Variants in MDFIC2 observed in about 807,000 individuals in gnomAD.
MDFIC2 encodes MyoD family inhibitor domain containing 2, also known as myoD family inhibitor domain-containing protein 2.
At chr3:70,258,024 G>A (rs537367727) in intron 2 of MDFIC2, among the ~76,000 whole-genome samples, 3 of 152,208 alleles carry the variant, frequency 2.0e-5, no homozygotes, top group African/African-American at 7.2e-5. Flanking sequence ...TAATTAAATG[G>A]GGGAAATGGA....
rs1185609018 is a variant in MDFIC2 at position 70,225,028 on chromosome 3, TA to T, written c.89-18239del. Among the ~76,000 whole-genome samples the T allele has an allele frequency of 7.2e-5, 11 of 152,308 alleles. No individual in the cohort carries two copies. The East Asian group carries it at 1.7e-3, about 24-fold the overall frequency. ...TACGTGTACTCAAGACAATGGAGGT[TA>T]AAACTGTTTGGAAAATATATTTCTC... is the stretch of plus-strand genomic sequence containing the variant. On this transcript the variant is annotated intron_variant, in intron 2 of 3. Transcript: ENST00000567252.
chr3:70,286,086 T>G (rs1288724599), intron 2 of MDFIC2, among the ~76,000 whole-genome samples: 3 of 152,168 alleles, frequency 2.0e-5, no homozygotes, highest in Admixed American at 6.5e-5. Flanking sequence ...GTCAATTTTG[T>G]GTTTTGCTGC....
chr3:70,290,927 G>T (rs548038289), intron 2 of MDFIC2, among the ~76,000 whole-genome samples: 1 of 152,236 alleles, frequency 6.6e-6, no homozygotes, highest in Non-Finnish European at 1.5e-5. Flanking sequence ...ATGGCGCACG[G>T]TGCGCGCACC....
At chr3:70,252,207 TG>T (rs1701775898) in intron 2 of MDFIC2, among the ~76,000 whole-genome samples, 1 of 152,172 alleles carries the variant, frequency 6.6e-6, no homozygotes, top group Admixed American at 6.5e-5. Context: ...TTGAACAAAA[TG>T]GGGGAATTCT....
intron 2 of MDFIC2, among the ~76,000 whole-genome samples, chr3:70,223,498 T>G (rs751254141): frequency 6.6e-6 from 1 of 152,170 alleles, no homozygotes; most frequent in East Asian, 1.9e-4. Context: ...AAAGTTACTC[T>G]TGTAGATTTC....
chr3:70,205,514 T>A (rs58135458), intron 3 of MDFIC2: 31,453 of 152,024 alleles, frequency 0.21, 3,388 homozygotes, highest in Non-Finnish European at 0.24. Flanking sequence ...TTGAGTACCT[T>A]CTGTGTACCA....
chr3:70,239,216 C>T (rs1229590080), intron 2 of MDFIC2, among the ~76,000 whole-genome samples: 1 of 152,168 alleles, frequency 6.6e-6, no homozygotes, highest in Non-Finnish European at 1.5e-5. Context: ...TCAACTATGT[C>T]ATGAAATTTA....
At chr3:70,213,334 C>T (rs1701368978) in intron 2 of MDFIC2, among the ~76,000 whole-genome samples, 1 of 151,960 alleles carries the variant, frequency 6.6e-6, no homozygotes, top group Non-Finnish European at 1.5e-5. Context: ...GCAGTAAACT[C>T]CAGAAGAGTA....
intron 2 of MDFIC2, among the ~76,000 whole-genome samples, chr3:70,297,534 T>C (rs564160516): frequency 6.6e-6 from 1 of 152,250 alleles, no homozygotes; most frequent in South Asian, 2.1e-4. Flanking sequence ...GAAGGCTTAT[T>C]ATTGCATATG....
At chr3:70,293,080 T>G (rs1702254968) in intron 2 of MDFIC2, among the ~76,000 whole-genome samples, 1 of 144,744 alleles carries the variant, frequency 6.9e-6, no homozygotes, top group Admixed American at 7.0e-5. Context: ...AAGTAGCATA[T>G]TACATGACGA....
At chr3:70,216,541 G>A (rs1157328028) in intron 2 of MDFIC2, among the ~76,000 whole-genome samples, 1 of 152,012 alleles carries the variant, frequency 6.6e-6, no homozygotes, top group Non-Finnish European at 1.5e-5. Flanking sequence ...TTTAACTAAG[G>A]CAGCCTGGCT....
chr3:70,275,770 T>G (rs534710122), intron 2 of MDFIC2, among the ~76,000 whole-genome samples: 96 of 152,328 alleles, frequency 6.3e-4, no homozygotes, highest in African/African-American at 2.2e-3. Context: ...TTCAGAAGTT[T>G]ATAGCATATA....
intron 2 of MDFIC2, among the ~76,000 whole-genome samples, chr3:70,238,870 A>G (rs1296181417): frequency 6.6e-6 from 1 of 152,122 alleles, no homozygotes; most frequent in Non-Finnish European, 1.5e-5. Context: ...AGGTTTAATT[A>G]ATTTTATATA....
intron 2 of MDFIC2, among the ~76,000 whole-genome samples, chr3:70,269,883 A>C (rs1701957504): frequency 1.3e-5 from 2 of 152,192 alleles, no homozygotes; most frequent in Admixed American, 6.5e-5. Context: ...GTCAAATATA[A>C]ACTTAGAAAA....
chr3:70,287,365 G>A (rs145727217), intron 2 of MDFIC2, among the ~76,000 whole-genome samples: 9,135 of 149,892 alleles, frequency 0.061, 358 homozygotes, highest in East Asian at 0.16. Flanking sequence ...TACATTTATT[G>A]ATTTGCATAT....
intron 2 of MDFIC2, among the ~76,000 whole-genome samples, chr3:70,213,091 G>A (rs1176608642): frequency 1.3e-5 from 2 of 152,114 alleles, no homozygotes; most frequent in East Asian, 1.9e-4. Flanking sequence ...TTACAGGCAT[G>A]AGCCACCATG....
chr3:70,261,836 C>T (rs376470514), intron 2 of MDFIC2, among the ~76,000 whole-genome samples: 7 of 152,138 alleles, frequency 4.6e-5, no homozygotes, highest in African/African-American at 7.2e-5. Context: ...GTGACTGGAA[C>T]CTGAATGCCC....
intron 2 of MDFIC2, among the ~76,000 whole-genome samples, chr3:70,240,672 C>T (rs1225601504): frequency 6.6e-6 from 1 of 152,084 alleles, no homozygotes; most frequent in Admixed American, 6.6e-5. Context: ...CTATTGCTGA[C>T]TATAGTACCA....
At chr3:70,208,178 T>G (rs1701310063) in intron 2 of MDFIC2, among the ~76,000 whole-genome samples, 1 of 152,068 alleles carries the variant, frequency 6.6e-6, no homozygotes, top group South Asian at 2.1e-4. Flanking sequence ...GCAACAGTCC[T>G]CGTGGTTTGG....
Sources: allele counts gnomAD v4.1 joint callset (sites outside exome capture counted in the v4.1 genomes callset), GRCh38; gene constraint gnomAD v4.1.1; transcripts MANE v1.5; gene names NCBI Gene and HGNC (gene_info 2026-07-23, HGNC 2026-07-21).